The following VIPR2 variants were observed in gnomAD, a reference collection of about 807,000 sequenced individuals.
VIPR2 encodes the protein vasoactive intestinal polypeptide receptor 2.
VIPR2 carries 48 observed loss-of-function variants against 58.0 expected under a neutral mutation model. The ratio of observed to expected loss-of-function variants is 0.83; its 90% CI spans 0.66 to 1.05. The LOEUF (loss-of-function observed/expected upper bound fraction) is 1.05. Ranked by LOEUF, VIPR2 falls within the 50% of genes least tolerant of loss-of-function variation. VIPR2 has a pLI of 0.00. For synonymous variants in VIPR2, 243 were observed against 235.2 expected, an observed-to-expected ratio of 1.03 and a Z score of -0.30; for missense variants, 534 against 558.0, an observed-to-expected ratio of 0.96 and a Z score of 0.43.
chr7:159,047,102 G>A (rs747174326), intron 5 of VIPR2, among the ~76,000 whole-genome samples: 3 of 152,168 alleles, frequency 2.0e-5, no homozygotes, highest in Non-Finnish European at 4.4e-5. Flanking sequence ...GGGCTTGGTG[G>A]TGGGTGCCTG....
intron 4 of VIPR2, among the ~76,000 whole-genome samples, chr7:159,060,061 C>T (rs1478294785): frequency 1.3e-5 from 2 of 151,262 alleles, no homozygotes; most frequent in African/African-American, 4.9e-5. Context: ...ACCCTCACCT[C>T]ACGGAACCCA....
At chr7:159,032,531 G>A (rs921780575) in intron 10 of VIPR2, among the ~76,000 whole-genome samples, 4 of 152,200 alleles carry the variant, frequency 2.6e-5, no homozygotes, top group Admixed American at 6.5e-5. Context: ...GCTGGGCTCC[G>A]TGGGAGCCAG....
chr7:159,144,402 G>A, intron 1 of VIPR2: 1 of 1,546,070 alleles, frequency 6.5e-7, no homozygotes, highest in South Asian at 1.2e-5. Context: ...CCAGCTCCCG[G>A]GACGGCCCCG....
At chr7:159,070,338 C>CT (rs1187063644) in intron 4 of VIPR2, among the ~76,000 whole-genome samples, 2,884 of 147,298 alleles carry the variant, frequency 0.02, 41 homozygotes, top group Admixed American at 0.033. Context: ...GTTCTCAGCT[C>CT]TTTTTTTTTT....
chr7:159,032,291 A>C (rs1243642617), intron 10 of VIPR2, among the ~76,000 whole-genome samples: 2 of 152,164 alleles, frequency 1.3e-5, no homozygotes, highest in East Asian at 3.9e-4. Flanking sequence ...TGCATTCCGG[A>C]AGTGTCCGTT....
At chr7:159,102,385 A>G (rs902055004) in intron 4 of VIPR2, among the ~76,000 whole-genome samples, 1 of 152,232 alleles carries the variant, frequency 6.6e-6, no homozygotes, top group Admixed American at 6.5e-5. Flanking sequence ...AGGCCTCCTC[A>G]GCCACACGGA....
chr7:159,067,533 G>A lies in VIPR2; in HGVS notation c.358-8955C>T, dbSNP rs539468145. The stretch of plus-strand genomic sequence containing the variant: ...GAGCTCAATGCTTTCAGATTTCCTC[G>A]CAACAAGAAAATGCTCTGCTCAATG... On this transcript the variant is annotated intron_variant, in intron 4 of 12. Transcript: ENST00000262178. 9.8e-5 allele frequency among the ~76,000 whole-genome samples: 15 copies of A among 152,308 alleles called. No homozygotes were observed. In the South Asian group the frequency reaches 1.9e-3, roughly 19 times the overall value.
intron 6 of VIPR2, 51 bp downstream of exon 6, chr7:159,042,984 A>T (rs1363254544): frequency 6.3e-7 from 1 of 1,589,178 alleles, no homozygotes; most frequent in Non-Finnish European, 8.6e-7. Flanking sequence ...AGAAGAGGGA[A>T]CAGAGATAAA....
chr7:159,062,667 G>A (rs1855767463), intron 4 of VIPR2, among the ~76,000 whole-genome samples: 2 of 67,792 alleles, frequency 3.0e-5, no homozygotes, highest in South Asian at 9.7e-4. Context: ...AGAACAAGCA[G>A]CAGCAAGATT....
chr7:159,144,627 G>A, intron 1 of VIPR2, 94 bp downstream of exon 1: 1 of 1,383,874 alleles, frequency 7.2e-7, no homozygotes, highest in Non-Finnish European at 9.4e-7. Flanking sequence ...CCAGCACCCG[G>A]GAGGAAGGCG....
chr7:159,070,304 G>A (rs149502360), intron 4 of VIPR2, among the ~76,000 whole-genome samples: 1,690 of 152,176 alleles, frequency 0.011, 8 homozygotes, highest in African/African-American at 0.016. Flanking sequence ...CCCAGGGCCC[G>A]GTGCTGCCAC....
chr7:159,071,415 G>T (rs77928411), intron 4 of VIPR2, among the ~76,000 whole-genome samples: 3,779 of 152,256 alleles, frequency 0.025, 73 homozygotes, highest in Middle Eastern at 0.054. Flanking sequence ...GTCCCCATTT[G>T]GGGCCTTCAG....
At position 159,028,597 on chromosome 7, in the gene VIPR2, TGA is replaced by T. The variant is rs1468041272; in HGVS notation, c.*2017_*2018del. 1 of 152,348 alleles carries T rather than the reference TGA, an allele frequency of 6.6e-6. No homozygotes were observed. The highest frequency in any genetic ancestry group is 2.4e-5 in the African/African-American group (1 of 41,436). The allele number at this position is 152,348 out of a possible 1,614,324, so 9.4% of individuals were successfully genotyped here. Reference sequence around the variant, plus strand: ...ACAAATCTTTGTTTCCTCAAAAACCTGAGAGTAGGTGGGGGATGCTCCCTTTT... The same window carrying T: ...ACAAATCTTTGTTTCCTCAAAAACCTGAGTAGGTGGGGGATGCTCCCTTTT... On this transcript the variant is annotated 3_prime_UTR_variant, in exon 13 of 13. Transcript: ENST00000262178.
chr7:159,144,781 A>T lies in VIPR2; in HGVS notation c.-10T>A, dbSNP rs1797624338. 4 of 1,247,596 alleles carry T rather than the reference A, an allele frequency of 3.2e-6. No individual in the cohort carries two copies. Among genetic ancestry groups the T allele is most frequent in the East Asian group, 3.2e-5 (1 of 31,680 alleles). The allele number at this position is 1,247,596 out of a possible 1,614,324, so 77.3% of individuals were successfully genotyped here. A position where few individuals can be genotyped will look rare whatever the true frequency, so the allele number is the denominator to read the frequency against. On this transcript the variant is annotated 5_prime_UTR_variant, in exon 1 of 13. The change abolishes the stop of an existing upstream ORF in the 5' untranslated region. Transcript: ENST00000262178. ...GCAGCAGCGTCCGCATCCCGAGCTCAGCGTGCCGGGGGCCGCCCAGCGCCC... is the reference window on the plus strand; with the variant it reads ...GCAGCAGCGTCCGCATCCCGAGCTCTGCGTGCCGGGGGCCGCCCAGCGCCC...
At chr7:159,092,295 T>C (rs1857549314) in intron 4 of VIPR2, among the ~76,000 whole-genome samples, 1 of 152,096 alleles carries the variant, frequency 6.6e-6, no homozygotes, top group Non-Finnish European at 1.5e-5. Flanking sequence ...GAGCACCAGG[T>C]GTGACAGGAG....
chr7:159,114,714 G>GA (rs1452536548), intron 2 of VIPR2, among the ~76,000 whole-genome samples: 1 of 152,042 alleles, frequency 6.6e-6, no homozygotes, highest in Non-Finnish European at 1.5e-5. Context: ...GCTGAGGTAG[G>GA]AGGATTGCTT....
chr7:159,080,434 C>G (rs1856842772), intron 4 of VIPR2, among the ~76,000 whole-genome samples: 1 of 152,194 alleles, frequency 6.6e-6, no homozygotes, highest in Non-Finnish European at 1.5e-5. Flanking sequence ...ATGTTAAAAA[C>G]TCTCAATAAA....
chr7:159,120,487 A>C (rs1475172929), intron 2 of VIPR2, among the ~76,000 whole-genome samples: 1 of 152,224 alleles, frequency 6.6e-6, no homozygotes, highest in Non-Finnish European at 1.5e-5. Context: ...TTTTATGGGA[A>C]ACAGCCTAGA....
chr7:159,055,616 C>T (rs1417548318), intron 5 of VIPR2, among the ~76,000 whole-genome samples: 6 of 152,026 alleles, frequency 3.9e-5, no homozygotes, highest in Admixed American at 2.0e-4. Context: ...CCACCGGTGC[C>T]GTTTTGCTTC....
Sources: gnomAD v4.1 joint callset for allele counts (sites outside exome capture counted in the v4.1 genomes callset) on GRCh38, gnomAD v4.1.1 for gene constraint, MANE v1.5 for transcripts, NCBI Gene and HGNC (gene_info 2026-07-23, HGNC 2026-07-21) for gene names.